Variants in AGAP1 observed in about 807,000 individuals in gnomAD.
AGAP1 encodes ArfGAP with GTPase domain, ankyrin repeat and PH domain 1.
In AGAP1, 29 loss-of-function variants were observed where a neutral mutation model predicts 105.3. The ratio of observed to expected loss-of-function variants is 0.28; its 90% CI spans 0.21 to 0.38. AGAP1 has a LOEUF of 0.38. Ranked by LOEUF, AGAP1 falls within the 10% of genes least tolerant of loss-of-function variation. The probability of loss-of-function intolerance (pLI) is 1.00; values close to 1 mark genes in which losing one functional copy is unlikely to be tolerated. For synonymous variants in AGAP1, 509 were observed against 485.9 expected (o/e 1.05, Z -0.63); for missense variants, 998 against 1,165.1 (o/e 0.86, Z 2.09).
At chr2:235,591,447 G>T (rs946457042) in intron 1 of AGAP1, among the ~76,000 whole-genome samples, 1 of 152,184 alleles carries the variant, frequency 6.6e-6, no homozygotes, top group Non-Finnish European at 1.5e-5. Context: ...CAACAAAGGC[G>T]CACGGATTTG....
intron 1 of AGAP1, among the ~76,000 whole-genome samples, chr2:235,538,261 T>A (rs955082159): frequency 1.3e-5 from 2 of 152,178 alleles, no homozygotes; most frequent in Admixed American, 1.3e-4. Flanking sequence ...ACAAGATTCG[T>A]TTTTGGCTAA....
chr2:235,909,876 C>G (rs2051492148), intron 11 of AGAP1, among the ~76,000 whole-genome samples: 1 of 152,046 alleles, frequency 6.6e-6, no homozygotes, highest in Non-Finnish European at 1.5e-5. Context: ...CAAAAATTAG[C>G]CGGGCGTGGT....
intron 1 of AGAP1, among the ~76,000 whole-genome samples, chr2:235,523,159 C>T (rs1421215845): frequency 6.6e-6 from 1 of 152,130 alleles, no homozygotes; most frequent in Non-Finnish European, 1.5e-5. Flanking sequence ...CTGGTCTCTT[C>T]CTCTTCCTGT....
At position 235,777,978 on chromosome 2, in the gene AGAP1, T is replaced by C. The variant is rs550385955; in HGVS notation, c.674-19781T>C. Among the ~76,000 whole-genome samples the C allele has an allele frequency of 6.6e-6, 1 of 152,278 alleles. No homozygotes were observed. The highest frequency in any genetic ancestry group is 2.4e-5 in the African/African-American group (1 of 41,572). ...TGGCTCTGCCCTGAGCCCGCTGCCC[T>C]CACCCTCTGCCTCAGACCTGGGCGA... is the stretch of plus-strand genomic sequence containing the variant. On this transcript the variant is annotated intron_variant, in intron 6 of 17. Transcript: ENST00000304032. This position sits in a 1 kb window ranked among gnomAD's most constrained non-coding sequence, Gnocchi z 5.1.
rs1951503176 is a variant in AGAP1, at chr2:235,723,720, C to A, written c.310+6076C>A. 6.6e-6 allele frequency among the ~76,000 whole-genome samples: 1 copy of A among 152,154 alleles called. No individual in the cohort carries two copies. On this transcript the variant is annotated intron_variant, in intron 3 of 17. Transcript: ENST00000304032. This position sits in a 1 kb window ranked among gnomAD's most constrained non-coding sequence, Gnocchi z 6.2. ...GCAGAAAGGTGGCCCCACAAGCTTCCCAAGATGAAACTAAACTGTATATGG... is the reference window on the plus strand; with the variant it reads ...GCAGAAAGGTGGCCCCACAAGCTTCACAAGATGAAACTAAACTGTATATGG...
Position 235,951,671 on chromosome 2 carries a change from T to C in AGAP1, c.1484-16791T>C, listed in dbSNP as rs1281227687. Among the ~76,000 whole-genome samples, 1 of 152,162 alleles carries C rather than the reference T, an allele frequency of 6.6e-6. No individual in the cohort carries two copies. Among genetic ancestry groups the C allele is most frequent in the African/African-American group, 2.4e-5 (1 of 41,448 alleles). ...ACTACCCTTTGCTACAGCTGTTGTTTCTCACTGATTCATTCTCGGGAATCG... is the reference window on the plus strand; with the variant it reads ...ACTACCCTTTGCTACAGCTGTTGTTCCTCACTGATTCATTCTCGGGAATCG... On this transcript the variant is annotated intron_variant, in intron 12 of 17. Coordinates refer to ENST00000304032, the MANE Select transcript of AGAP1 (RefSeq NM_001037131.3). The surrounding 1 kb of genome is among the most constrained non-coding windows in gnomAD (Gnocchi z 4.2).
At position 235,927,362 on chromosome 2, in the gene AGAP1, G is replaced by A. The variant is rs1414884362; in HGVS notation, c.1325-3403G>A. ...GTGGGCTCTGAGCCACACCCTCAGA[G>A]CTGCTGCACCAGCATCTCAGTGGAT... On this transcript the variant is annotated intron_variant, in intron 11 of 17. Coordinates refer to ENST00000304032, the MANE Select transcript of AGAP1 (RefSeq NM_001037131.3). The surrounding 1 kb of genome is among the most constrained non-coding windows in gnomAD (Gnocchi z 4.4). 6.6e-6 allele frequency among the ~76,000 whole-genome samples: 1 copy of A among 152,180 alleles called. No homozygotes were observed. The highest frequency in any genetic ancestry group is 1.9e-4 in the East Asian group (1 of 5,196).
chr2:235,643,478 ATG>A (rs1234630117), intron 1 of AGAP1, among the ~76,000 whole-genome samples: 127 of 145,938 alleles, frequency 8.7e-4, no homozygotes, highest in Non-Finnish European at 1.5e-3. Flanking sequence ...AGTTTAAAGG[ATG>A]TTAAAAATTT....
chr2:235,646,585 G>A (rs1214504236), intron 1 of AGAP1, among the ~76,000 whole-genome samples: 1 of 152,200 alleles, frequency 6.6e-6, no homozygotes, highest in Non-Finnish European at 1.5e-5. Flanking sequence ...AACATGACAT[G>A]CTTGCTTTTC....
At chr2:235,815,036 T>C (rs141608720) in intron 9 of AGAP1, among the ~76,000 whole-genome samples, 31 of 152,254 alleles carry the variant, frequency 2.0e-4, no homozygotes, top group African/African-American at 6.5e-4. Context: ...AACCAGCGTT[T>C]ATTGACCACT....
intron 10 of AGAP1, among the ~76,000 whole-genome samples, chr2:235,898,475 C>T (rs1234942045): frequency 1.6e-5 from 2 of 124,678 alleles, no homozygotes; most frequent in Non-Finnish European, 3.3e-5. Context: ...GACAGGTTCC[C>T]CCCCCCACCC....
rs1002585545 is a variant in AGAP1 at position 236,050,424 on chromosome 2, A to G, written c.2114+1143A>G. ...ATTTGTTTAAAATTGCATGGTTTTG[A>G]TACGCGACCTCTTTATGAGTTATGC... is the stretch of plus-strand genomic sequence containing the variant. On this transcript the variant is annotated intron_variant, in intron 16 of 17. Transcript: ENST00000304032. The surrounding 1 kb of genome is among the most constrained non-coding windows in gnomAD (Gnocchi z 4.0). Among the ~76,000 whole-genome samples, 5 of 152,192 alleles carry G rather than the reference A, an allele frequency of 3.3e-5. No homozygotes were observed. Among genetic ancestry groups the G allele is most frequent in the African/African-American group, 1.2e-4 (5 of 41,440 alleles).
rs1415696333 is a variant in AGAP1 at position 235,959,145 on chromosome 2, C to T, written c.1484-9317C>T. On this transcript the variant is annotated intron_variant, in intron 12 of 17. Transcript: ENST00000304032. This position sits in a 1 kb window ranked among gnomAD's most constrained non-coding sequence, Gnocchi z 7.3. The stretch of plus-strand genomic sequence containing the variant: ...CATGGCTTTTTTCTCTTAGCCTCTC[C>T]CCTCCCATACTTAACGCCGTCGACA... Among the ~76,000 whole-genome samples, 3 of 152,308 alleles carry T rather than the reference C, an allele frequency of 2.0e-5. No homozygotes were observed. Among genetic ancestry groups the T allele is most frequent in the Admixed American group, 2.0e-4 (3 of 15,304 alleles).
In AGAP1 at chr2:235,864,981, G is replaced by A. The variant is rs2049092055; in HGVS notation, c.1051-18364G>A. Among the ~76,000 whole-genome samples the A allele has an allele frequency of 6.6e-6, 1 of 152,182 alleles. No individual in the cohort carries two copies. The highest frequency in any genetic ancestry group is 2.4e-5 in the African/African-American group (1 of 41,438). The stretch of plus-strand genomic sequence containing the variant: ...AACATGGGTTTTTAAAAGGGAAGGA[G>A]AGAAACACAACAAACTTTTTATTTC... On this transcript the variant is annotated intron_variant, in intron 9 of 17. Coordinates refer to ENST00000304032, the MANE Select transcript of AGAP1 (RefSeq NM_001037131.3). The surrounding 1 kb of genome is among the most constrained non-coding windows in gnomAD (Gnocchi z 5.0).
In AGAP1 at chr2:235,535,955, A is replaced by G. The variant is rs967662496; in HGVS notation, c.163+41106A>G. Among the ~76,000 whole-genome samples the G allele has an allele frequency of 1.3e-5, 2 of 151,756 alleles. No homozygotes were observed. Among genetic ancestry groups the G allele is most frequent in the Non-Finnish European group, 2.9e-5 (2 of 67,968 alleles). On this transcript the variant is annotated intron_variant, in intron 1 of 17. Transcript: ENST00000304032. The surrounding 1 kb of genome is among the most constrained non-coding windows in gnomAD (Gnocchi z 5.1). Reference sequence around the variant, plus strand: ...TGGTGGACGTAAGGCCCCTCGCCCCATCTGCTTCCTGCTCTCCCAGAGCCG... The same window carrying G: ...TGGTGGACGTAAGGCCCCTCGCCCCGTCTGCTTCCTGCTCTCCCAGAGCCG...
rs780913717 is a variant in AGAP1 at position 235,741,201 on chromosome 2, C to G, written c.396+153C>G. ...CTCTCACTGCATTTTTTTCTCATCT[C>G]TAAGAAGCTAATTCTTTTTTTATTT... On this transcript the variant is annotated intron_variant, in intron 4 of 17. Transcript: ENST00000304032. This position sits in a 1 kb window ranked among gnomAD's most constrained non-coding sequence, Gnocchi z 4.9. Among the ~76,000 whole-genome samples, 2 of 152,196 alleles carry G rather than the reference C, an allele frequency of 1.3e-5. No homozygotes were observed. The highest frequency in any genetic ancestry group is 2.9e-5 in the Non-Finnish European group (2 of 68,034).
At position 235,882,210 on chromosome 2, in the gene AGAP1, G is replaced by A. The variant is rs1256875840; in HGVS notation, c.1051-1135G>A. 6.6e-6 allele frequency among the ~76,000 whole-genome samples: 1 copy of A among 152,100 alleles called. No individual in the cohort carries two copies. Among genetic ancestry groups the A allele is most frequent in the African/African-American group, 2.4e-5 (1 of 41,408 alleles). ...AGAATTTGGCAATCTGATTGGGGGT[G>A]GTCCTTCAGAGACCCACAGGCCAGT... On this transcript the variant is annotated intron_variant, in intron 9 of 17. Coordinates refer to ENST00000304032, the MANE Select transcript of AGAP1 (RefSeq NM_001037131.3). The surrounding 1 kb of genome is among the most constrained non-coding windows in gnomAD (Gnocchi z 4.6).
At chr2:235,774,167 C>T (rs1275781479) in intron 6 of AGAP1, 1 of 379,576 alleles carries the variant, frequency 2.6e-6, no homozygotes, top group African/African-American at 2.1e-5. Flanking sequence ...AATAAATGCC[C>T]TTATTCTTGA....
chr2:235,985,110 A>G (rs1392213578), intron 13 of AGAP1, among the ~76,000 whole-genome samples: 1 of 152,204 alleles, frequency 6.6e-6, no homozygotes, highest in Non-Finnish European at 1.5e-5. Flanking sequence ...CCTCACCAGC[A>G]TCTTTTGTTT....
Sources: gnomAD v4.1 joint callset for allele counts (sites outside exome capture counted in the v4.1 genomes callset) on GRCh38, gnomAD v4.1.1 for gene constraint, Gnocchi (gnomAD v3.1) non-coding constraint, MANE v1.5 for transcripts, NCBI Gene and HGNC (gene_info 2026-07-23, HGNC 2026-07-21) for gene names.